SMIM7: variants seen among roughly 807,000 people sequenced by gnomAD.
SMIM7 encodes the protein small integral membrane protein 7.
A neutral mutation model predicts 13.3 loss-of-function variants in SMIM7; 12 were observed. That is an observed-to-expected ratio of 0.90 (90% CI 0.58 to 1.46). The LOEUF (loss-of-function observed/expected upper bound fraction) is 1.46, where lower values mean the gene tolerates loss of function less well. SMIM7 is among the 40% of genes most tolerant of loss of function. The pLI, the probability that SMIM7 is intolerant of heterozygous loss-of-function variation, is 0.00. For synonymous variants in SMIM7, 36 were observed against 35.8 expected, an observed-to-expected ratio of 1.01 and a Z score of -0.02; for missense variants, 114 against 94.8, an observed-to-expected ratio of 1.20 and a Z score of -0.84.
intron 3 of SMIM7, 84 bp downstream of exon 3, chr19:16,659,311 G>C (rs988629344): frequency 2.9e-5 from 21 of 722,318 alleles, no homozygotes; most frequent in East Asian, 9.2e-5. Flanking sequence ...AAAAGAGAAA[G>C]AAAGAAAACG....
intron 3 of SMIM7, among the ~76,000 whole-genome samples, chr19:16,655,651 A>C (rs1018124377): frequency 7.3e-6 from 1 of 137,876 alleles, no homozygotes; most frequent in Non-Finnish European, 1.5e-5. Context: ...ACTGCACTCC[A>C]GCCTGGGTGA....
chr19:16,646,105 T>C (rs2086446600), downstream of SMIM7: 2 of 151,124 alleles, frequency 1.3e-5, no homozygotes, highest in African/African-American at 4.9e-5. Context: ...AGGTTGGAAA[T>C]TGACTTCTTG....
At chr19:16,647,631 T>C (rs761939198) in intron 4 of SMIM7, among the ~76,000 whole-genome samples, 4 of 151,424 alleles carry the variant, frequency 2.6e-5, no homozygotes, top group Non-Finnish European at 5.9e-5. Flanking sequence ...AATTTTTGTA[T>C]TTTTAGTAGA....
At chr19:16,655,373 A>C (rs758654539) in intron 3 of SMIM7, 63 of 456,144 alleles carry the variant, frequency 1.4e-4, no homozygotes, top group Admixed American at 3.1e-4. Flanking sequence ...CAAGCCCTCC[A>C]GAATGAAAAG....
downstream of SMIM7, among the ~76,000 whole-genome samples, chr19:16,643,211 G>A (rs538157435): frequency 5.9e-5 from 9 of 152,264 alleles, no homozygotes; most frequent in Non-Finnish European, 1.2e-4. Context: ...CATGCTGGAA[G>A]ATACTAAGAT....
At position 16,660,128 on chromosome 19, in the gene SMIM7, C is replaced by T. The variant is rs753594591; in HGVS notation, c.-18G>A. On this transcript the variant is annotated 5_prime_UTR_variant, in exon 1 of 5. Coordinates refer to ENST00000487416, the MANE Select transcript of SMIM7 (RefSeq NM_024104.4). ...CCGATCATCGTTACGGCCGAAGCGT[C>T]CGTCAGAACCGGAAGCGGAAGCCCC... 6.2e-7 allele frequency: 1 copy of T among 1,614,088 alleles called. No homozygotes were observed. The highest frequency in any genetic ancestry group is 8.5e-7 in the Non-Finnish European group (1 of 1,180,016).
chr19:16,632,038 T>C (rs888799750), intron 4 of SMIM7, among the ~76,000 whole-genome samples: 2 of 151,648 alleles, frequency 1.3e-5, no homozygotes, highest in African/African-American at 4.8e-5. Flanking sequence ...CCCAGCTAAT[T>C]TTTGTATTTT....
At chr19:16,643,200 C>A (rs1290522781), downstream of SMIM7, among the ~76,000 whole-genome samples, 2 of 152,052 alleles carry the variant, frequency 1.3e-5, no homozygotes, top group African/African-American at 4.8e-5. Context: ...GGTGAGAAAA[C>A]CATGCTGGAA....
intron 4 of SMIM7, chr19:16,652,848 C>T (rs760119605): frequency 1.2e-5 from 19 of 1,549,974 alleles, no homozygotes; most frequent in South Asian, 3.6e-5. Context: ...CAGATTCTCC[C>T]GTCGTGTCTT....
chr19:16,631,265 A>C (rs1295461605), exon 5 of SMIM7: 1 of 152,214 alleles, frequency 6.6e-6, no homozygotes, highest in Non-Finnish European at 1.5e-5. Flanking sequence ...GGGCACCTGT[A>C]TTCCCAGCTA....
intron 4 of SMIM7, among the ~76,000 whole-genome samples, chr19:16,650,443 C>T (rs2086509523): frequency 2.0e-5 from 3 of 152,340 alleles, no homozygotes; most frequent in Admixed American, 2.0e-4. Flanking sequence ...GGCACGGTGG[C>T]TCACGCCTAT....
In SMIM7 at chr19:16,660,123, A is replaced by T; in HGVS notation, c.-13T>A. ...TGTCTCCGATCATCGTTACGGCCGA[A>T]GCGTCCGTCAGAACCGGAAGCGGAA... On this transcript the variant is annotated 5_prime_UTR_variant, in exon 1 of 5. Transcript: ENST00000487416. 6.2e-7 allele frequency: 1 copy of T among 1,614,106 alleles called. No individual in the cohort carries two copies. Among genetic ancestry groups the T allele is most frequent in the Non-Finnish European group, 8.5e-7 (1 of 1,180,024 alleles).
intron 3 of SMIM7, 169 bp downstream of exon 3, chr19:16,659,226 T>A: frequency 1.5e-6 from 1 of 678,850 alleles, no homozygotes; most frequent in East Asian, 2.8e-5. Flanking sequence ...GAGTCTGCAG[T>A]GAGCCATGAT....
chr19:16,639,495 T>C (rs1335892735), intron 4 of SMIM7, among the ~76,000 whole-genome samples: 1 of 152,138 alleles, frequency 6.6e-6, no homozygotes, highest in East Asian at 1.9e-4. Context: ...AGAAAGTAAA[T>C]AGGTTCAGCT....
downstream of SMIM7, among the ~76,000 whole-genome samples, chr19:16,643,483 G>A (rs1022987399): frequency 3.3e-5 from 5 of 152,008 alleles, no homozygotes; most frequent in South Asian, 4.1e-4. Context: ...TGTAACCTCC[G>A]CCTCCCGAGT....
At chr19:16,632,316 G>C (rs556454422) in intron 4 of SMIM7, among the ~76,000 whole-genome samples, 174 of 152,080 alleles carry the variant, frequency 1.1e-3, no homozygotes, top group Middle Eastern at 3.4e-3. Flanking sequence ...ATTTAAATTG[G>C]TTTTGACTAA....
At chr19:16,633,530 A>G (rs2086337216) in intron 4 of SMIM7, among the ~76,000 whole-genome samples, 2 of 151,946 alleles carry the variant, frequency 1.3e-5, no homozygotes. Flanking sequence ...AAACTTCCAA[A>G]GTAAATTAAG....
chr19:16,639,992 C>T (rs912691131), intron 4 of SMIM7: 2 of 151,844 alleles, frequency 1.3e-5, no homozygotes, highest in African/African-American at 4.8e-5. Context: ...TCTTGTTGCC[C>T]AGGCTGGAGT....
chr19:16,648,893 A>G (rs2086483153), intron 4 of SMIM7, among the ~76,000 whole-genome samples: 1 of 151,958 alleles, frequency 6.6e-6, no homozygotes, highest in Non-Finnish European at 1.5e-5. Flanking sequence ...GTGCACACCC[A>G]TAGTCCCACT....
Sources: allele counts gnomAD v4.1 joint callset (sites outside exome capture counted in the v4.1 genomes callset), GRCh38; gene constraint gnomAD v4.1.1; transcripts MANE v1.5; gene names NCBI Gene and HGNC (gene_info 2026-07-23, HGNC 2026-07-21).